Variants in LNPK observed in about 807,000 individuals in gnomAD.
LNPK encodes lunapark, ER junction formation factor.
In LNPK, 29 loss-of-function variants were observed where a neutral mutation model predicts 55.2. The observed-to-expected ratio is 0.53, with a 90% CI of 0.39 to 0.72. The LOEUF (loss-of-function observed/expected upper bound fraction) is 0.72. Ranked by LOEUF, LNPK falls within the 30% of genes least tolerant of loss-of-function variation. The probability of loss-of-function intolerance (pLI) is 0.00; values close to 1 mark genes in which losing one functional copy is unlikely to be tolerated. For missense variants in LNPK, 467 were observed against 494.8 expected, an observed-to-expected ratio of 0.94 and a Z score of 0.53; for synonymous variants, 162 against 168.2, an observed-to-expected ratio of 0.96 and a Z score of 0.29.
chr2:175,927,450 C>T lies in LNPK; in HGVS notation c.*2517G>A, dbSNP rs1684062740. The T allele has an allele frequency of 6.6e-6, 1 of 152,214 alleles. No homozygotes were observed. The highest frequency in any genetic ancestry group is 2.4e-5 in the African/African-American group (1 of 41,420). The allele number at this position is 152,214 out of a possible 1,614,324, so 9.4% of individuals were successfully genotyped here. On this transcript the variant is annotated 3_prime_UTR_variant, in exon 13 of 13. Transcript: ENST00000272748. Reference sequence around the variant, plus strand: ...ATAGGGAGTAAAAGGCAGAGGCCAGCTTCAGATGGGGAGTTTGGGAAGGCA... The same window carrying T: ...ATAGGGAGTAAAAGGCAGAGGCCAGTTTCAGATGGGGAGTTTGGGAAGGCA...
intron 4 of LNPK, among the ~76,000 whole-genome samples, chr2:175,990,602 C>T (rs1687659463): frequency 6.6e-6 from 1 of 152,190 alleles, no homozygotes; most frequent in South Asian, 2.1e-4. Context: ...CAAAAACTCA[C>T]ATTACATACA....
At chr2:176,002,459 C>T, upstream of LNPK, 1 of 308,786 alleles carries the variant, frequency 3.2e-6, no homozygotes, top group Non-Finnish European at 6.3e-6. Context: ...GGTGTCGTGT[C>T]GCAGTTATGT....
intron 3 of LNPK, 136 bp from the exon 4 acceptor site, chr2:175,992,554 G>A (rs1302362553): frequency 6.3e-6 from 3 of 479,588 alleles, no homozygotes; most frequent in Non-Finnish European, 7.2e-6. Flanking sequence ...TATTCTAACA[G>A]TTTAAAACAA....
intron 6 of LNPK, among the ~76,000 whole-genome samples, chr2:175,965,798 T>G (rs556769294): frequency 1.3e-3 from 64 of 48,224 alleles, no homozygotes; most frequent in Middle Eastern, 9.4e-3. Flanking sequence ...CACTTTAGAG[T>G]TAGAAAAAAA....
intron 11 of LNPK, among the ~76,000 whole-genome samples, chr2:175,938,032 T>C (rs1253157792): frequency 6.6e-6 from 1 of 152,166 alleles, no homozygotes; most frequent in Non-Finnish European, 1.5e-5. Flanking sequence ...TAAAGGAGAC[T>C]CTTTGTAAAT....
Position 175,979,805 on chromosome 2 carries a change from C to CT in LNPK, c.316+4dup, listed in dbSNP as rs1262571487. The CT allele has an allele frequency of 1.3e-6, 2 of 1,552,014 alleles. No individual in the cohort carries two copies. The highest frequency in any genetic ancestry group is 1.7e-6 in the Non-Finnish European group (2 of 1,147,048). ...ATATTTATTAAAAATTGGAATTAAA[C>CT]TTACTATTTCTTTCTGTTCTCTTGG... On this transcript the variant is annotated splice_donor_region_variant and intron_variant, in intron 5 of 12. Transcript: ENST00000272748.
rs183060414 is a variant in LNPK at position 175,944,410 on chromosome 2, C to T, written c.706+3070G>A. ...TTTTTATTTTATATAAAAATAATAA[C>T]AAAAATAAAGAGTTACACATTCAAA... On this transcript the variant is annotated intron_variant, in intron 9 of 12. Transcript: ENST00000272748. Among the ~76,000 whole-genome samples the T allele has an allele frequency of 8.6e-4, 131 of 151,694 alleles. 1 individual carries two copies. Among genetic ancestry groups the T allele is most frequent in the African/African-American group, 3.0e-3 (126 of 41,426 alleles).
intron 4 of LNPK, among the ~76,000 whole-genome samples, chr2:175,982,869 T>C (rs1418310411): frequency 6.6e-6 from 1 of 152,214 alleles, no homozygotes; most frequent in Non-Finnish European, 1.5e-5. Context: ...AACCTCTAGT[T>C]AGAGAATAGT....
intron 4 of LNPK, among the ~76,000 whole-genome samples, chr2:175,985,157 G>C (rs1687346367): frequency 6.6e-6 from 1 of 152,176 alleles, no homozygotes; most frequent in Non-Finnish European, 1.5e-5. Context: ...AATTTGTGGA[G>C]ACAGAAAACA....
intron 4 of LNPK, among the ~76,000 whole-genome samples, chr2:175,986,426 A>C (rs1687416287): frequency 6.6e-6 from 1 of 151,520 alleles, no homozygotes. Context: ...CCAAAAAAAC[A>C]TCATATCTTG....
chr2:175,931,475 A>G (rs1684278275), intron 12 of LNPK, among the ~76,000 whole-genome samples: 1 of 152,228 alleles, frequency 6.6e-6, no homozygotes, highest in Non-Finnish European at 1.5e-5. Flanking sequence ...AATATTTAAA[A>G]AGAATTATTT....
intron 4 of LNPK, among the ~76,000 whole-genome samples, chr2:175,987,731 C>A (rs1404202280): frequency 5.9e-5 from 9 of 151,552 alleles, no homozygotes; most frequent in Admixed American, 2.0e-4. Flanking sequence ...TAAAAAATTT[C>A]TTTGACTCAC....
chr2:175,963,016 C>T (rs569408690), intron 8 of LNPK, among the ~76,000 whole-genome samples: 2 of 148,552 alleles, frequency 1.3e-5, no homozygotes, highest in Admixed American at 6.8e-5. Flanking sequence ...TACCATCTCA[C>T]ACCAGTTAGA....
intron 4 of LNPK, among the ~76,000 whole-genome samples, chr2:175,982,136 G>A (rs971863518): frequency 2.6e-5 from 4 of 151,984 alleles, no homozygotes; most frequent in South Asian, 2.1e-4. Flanking sequence ...CAAGGATTCC[G>A]CAATAATAAA....
At chr2:175,997,475 T>A (rs1687981334) in intron 1 of LNPK, among the ~76,000 whole-genome samples, 1 of 152,182 alleles carries the variant, frequency 6.6e-6, no homozygotes, top group African/African-American at 2.4e-5. Context: ...TCTCAAAATA[T>A]ACATCATTCC....
At chr2:175,997,490 T>C (rs1687981977) in intron 1 of LNPK, among the ~76,000 whole-genome samples, 1 of 152,304 alleles carries the variant, frequency 6.6e-6, no homozygotes, top group South Asian at 2.1e-4. Flanking sequence ...CATTCCACTA[T>C]TCTGGAACTA....
At chr2:175,994,402 C>G (rs1322660771) in intron 2 of LNPK, 2 of 734,300 alleles carry the variant, frequency 2.7e-6, no homozygotes, top group Non-Finnish European at 3.3e-6. Flanking sequence ...ACCCCAAAAC[C>G]TAAATTGTGT....
At chr2:175,991,545 G>C (rs1186891019) in intron 4 of LNPK, among the ~76,000 whole-genome samples, 2 of 152,028 alleles carry the variant, frequency 1.3e-5, no homozygotes, top group African/African-American at 2.4e-5. Context: ...CCTATTAAAT[G>C]CTCCCATAGC....
rs762783273 is a variant in LNPK, at chr2:175,979,781, T to C, written c.316+29A>G. ...ATTCTAAAATAGGTATTTTAAAAAA[T>C]ATTTATTAAAAATTGGAATTAAACT... On this transcript the variant is annotated intron_variant, in intron 5 of 12. Coordinates refer to ENST00000272748, the MANE Select transcript of LNPK (RefSeq NM_030650.3). 5 of 1,466,548 alleles carry C rather than the reference T, an allele frequency of 3.4e-6. No individual in the cohort carries two copies. In the African/African-American group the frequency reaches 5.8e-5, roughly 17 times the overall value. 90.8% of individuals were successfully genotyped at this position (1,466,548 alleles called of 1,614,324 possible). A position where few individuals can be genotyped will look rare whatever the true frequency, so the allele number is the denominator to read the frequency against.
Sources: allele counts gnomAD v4.1 joint callset (sites outside exome capture counted in the v4.1 genomes callset), GRCh38; gene constraint gnomAD v4.1.1; transcripts MANE v1.5; gene names NCBI Gene and HGNC (gene_info 2026-07-23, HGNC 2026-07-21).